Variants in NAV2 observed in about 807,000 individuals in gnomAD.
NAV2 encodes the protein helicase, APC down-regulated 1.
In NAV2, 54 loss-of-function variants were observed where a neutral mutation model predicts 223.2. That is an observed-to-expected ratio of 0.24 (90% CI 0.19 to 0.30). The LOEUF (loss-of-function observed/expected upper bound fraction) is 0.30. Ranked by LOEUF, NAV2 falls within the 10% of genes least tolerant of loss-of-function variation. The pLI is 1.00. For missense variants in NAV2, 2,806 were observed against 3,147.5 expected, an observed-to-expected ratio of 0.89 and a Z score of 2.60; for synonymous variants, 1,279 against 1,239.3, an observed-to-expected ratio of 1.03 and a Z score of -0.67.
chr11:19,693,291 CAT>C (rs1374025106), intron 1 of NAV2, among the ~76,000 whole-genome samples: 9 of 152,326 alleles, frequency 5.9e-5, no homozygotes, highest in Admixed American at 5.2e-4. Flanking sequence ...TTGTTTGTAA[CAT>C]AGACTTTTCC....
chr11:19,959,249 C>A (rs1263621609), intron 10 of NAV2, among the ~76,000 whole-genome samples: 2 of 152,148 alleles, frequency 1.3e-5, no homozygotes, highest in South Asian at 2.1e-4. Flanking sequence ...ATTCCAGGAG[C>A]CTTAGGAAAA....
chr11:19,630,946 G>T (rs12795964), intron 1 of NAV2, among the ~76,000 whole-genome samples: 15 of 103,774 alleles, frequency 1.4e-4, no homozygotes, highest in African/African-American at 4.7e-4. Context: ...AAGGAAAAAA[G>T]AAAAAAAAAA....
intron 1 of NAV2, among the ~76,000 whole-genome samples, chr11:19,468,877 A>G (rs933080610): frequency 5.9e-5 from 9 of 152,186 alleles, no homozygotes; most frequent in African/African-American, 2.2e-4. Context: ...GTTACATGAA[A>G]TATAGATCAA....
chr11:19,455,857 A>T (rs1851940193), intron 1 of NAV2, among the ~76,000 whole-genome samples: 1 of 152,210 alleles, frequency 6.6e-6, no homozygotes, highest in Non-Finnish European at 1.5e-5. Flanking sequence ...AACGCACCAG[A>T]ACCTACTGCA....
At chr11:19,361,040 T>C (rs1457261687) in intron 1 of NAV2, among the ~76,000 whole-genome samples, 1 of 151,962 alleles carries the variant, frequency 6.6e-6, no homozygotes, top group Non-Finnish European at 1.5e-5. Context: ...CCTCAGAAAG[T>C]CCTGGGAAAA....
At chr11:19,988,916 G>A (rs1464989628) in intron 11 of NAV2, among the ~76,000 whole-genome samples, 1 of 152,206 alleles carries the variant, frequency 6.6e-6, no homozygotes. Context: ...CTGATCTGGA[G>A]GAAAGAGTTT....
At chr11:20,037,887 C>G (rs1176061505) in intron 12 of NAV2, among the ~76,000 whole-genome samples, 1 of 149,028 alleles carries the variant, frequency 6.7e-6, no homozygotes, top group African/African-American at 2.5e-5. Context: ...ATAAGAACAA[C>G]CAGACTGTCC....
chr11:19,389,455 A>G (rs142194541), intron 1 of NAV2, among the ~76,000 whole-genome samples: 360 of 152,280 alleles, frequency 2.4e-3, no homozygotes, highest in Non-Finnish European at 3.6e-3. Flanking sequence ...AAGGGCACAT[A>G]ATTTGGACAC....
chr11:19,895,012 G>A lies in NAV2; in HGVS notation c.931+2418G>A, dbSNP rs184780959. Among the ~76,000 whole-genome samples the A allele has an allele frequency of 2.2e-4, 33 of 152,032 alleles. No homozygotes were observed. In the East Asian group the frequency reaches 6.2e-3, roughly 29 times the overall value. On this transcript the variant is annotated intron_variant, in intron 6 of 37. Transcript: ENST00000349880. ...CCCAATGTGCTGGGATTACAGGCGT[G>A]AGCCACTGTGCCCGGCTATCATACT...
At chr11:20,117,006 G>A (rs2063155700) in intron 37 of NAV2, among the ~76,000 whole-genome samples, 1 of 152,064 alleles carries the variant, frequency 6.6e-6, no homozygotes, top group Non-Finnish European at 1.5e-5. Context: ...CCCTAGTTAT[G>A]GCTGTGCAGA....
Position 19,682,268 on chromosome 11 carries a change from T to A in NAV2, c.76-150216T>A, listed in dbSNP as rs189285045. ...CATGCTAATAATAATTGCTTCCACA[T>A]GCTTGGTATGTGCTAAGAACTGTGC... On this transcript the variant is annotated intron_variant, in intron 1 of 37. Transcript: ENST00000360655. 3.5e-4 allele frequency among the ~76,000 whole-genome samples: 53 copies of A among 152,352 alleles called. 1 individual carries two copies. The highest frequency in any genetic ancestry group is 3.2e-3 in the Admixed American group (49 of 15,310).
chr11:19,956,542 A>T (rs1340604291), intron 10 of NAV2, among the ~76,000 whole-genome samples: 1 of 152,146 alleles, frequency 6.6e-6, no homozygotes, highest in African/African-American at 2.4e-5. Flanking sequence ...GGCTCAGAGA[A>T]CTCAGGGGAA....
intron 6 of NAV2, among the ~76,000 whole-genome samples, chr11:19,901,495 C>T (rs763379302): frequency 4.0e-5 from 6 of 151,592 alleles, no homozygotes; most frequent in Non-Finnish European, 5.9e-5. Flanking sequence ...TGCAGTGAGC[C>T]GAGATCACAC....
chr11:19,997,958 T>C (rs573765378), intron 11 of NAV2, among the ~76,000 whole-genome samples: 5 of 152,172 alleles, frequency 3.3e-5, no homozygotes, highest in Admixed American at 2.6e-4. Flanking sequence ...TCCATAACCA[T>C]GTTTTGTTCT....
intron 10 of NAV2, among the ~76,000 whole-genome samples, chr11:19,973,222 T>C (rs1361692329): frequency 6.6e-6 from 1 of 152,164 alleles, no homozygotes; most frequent in African/African-American, 2.4e-5. Context: ...GGGGTCTACA[T>C]GAACCCAGAA....
intron 24 of NAV2, among the ~76,000 whole-genome samples, chr11:20,078,412 G>A (rs1161599313): frequency 6.6e-6 from 1 of 152,206 alleles, no homozygotes; most frequent in Admixed American, 6.5e-5. Flanking sequence ...TTTGCATGCT[G>A]ATATATGGCA....
At chr11:19,911,094 TTG>T (rs144537865) in intron 6 of NAV2, among the ~76,000 whole-genome samples, 6,165 of 151,456 alleles carry the variant, frequency 0.041, 432 homozygotes, top group African/African-American at 0.14. Context: ...TAGCAAATAT[TTG>T]TGAGCTGGAA....
chr11:19,500,640 G>A (rs932422105), intron 1 of NAV2, among the ~76,000 whole-genome samples: 2 of 152,096 alleles, frequency 1.3e-5, no homozygotes, highest in African/African-American at 4.8e-5. Context: ...TCCCTCGTGG[G>A]CTATCCCTTG....
chr11:19,719,344 C>A (rs1347547050), intron 1 of NAV2, among the ~76,000 whole-genome samples: 1 of 152,084 alleles, frequency 6.6e-6, no homozygotes, highest in East Asian at 1.9e-4. Flanking sequence ...AAAGCAGAGG[C>A]CAAGGGAGGT....
Sources: gnomAD v4.1 joint callset for allele counts (sites outside exome capture counted in the v4.1 genomes callset) on GRCh38, gnomAD v4.1.1 for gene constraint, MANE v1.5 for transcripts, NCBI Gene and HGNC (gene_info 2026-07-23, HGNC 2026-07-21) for gene names.